Variants in CABCOCO1 observed in about 807,000 individuals in gnomAD.
The protein encoded by CABCOCO1 is ciliary associated calcium binding coiled-coil 1.
A neutral mutation model predicts 35.7 loss-of-function variants in CABCOCO1; 28 were observed. The ratio of observed to expected loss-of-function variants is 0.78; its 90% CI spans 0.58 to 1.07. The LOEUF (loss-of-function observed/expected upper bound fraction) is 1.07, where lower values mean the gene tolerates loss of function less well. CABCOCO1 is among the 50% of genes least tolerant of loss of function. CABCOCO1 has a pLI of 0.00. For missense variants in CABCOCO1, 326 were observed against 309.2 expected (o/e 1.05, Z -0.41); for synonymous variants, 95 against 100.1 (o/e 0.95, Z 0.30).
At chr10:61,664,180 G>A (rs1839096257) in intron 1 of CABCOCO1, among the ~76,000 whole-genome samples, 1 of 152,092 alleles carries the variant, frequency 6.6e-6, no homozygotes, top group South Asian at 2.1e-4. Flanking sequence ...ATTTTAATGT[G>A]ATAAACTGGT....
chr10:61,760,235 G>A lies in CABCOCO1; in HGVS notation c.675+54G>A, dbSNP rs974337652. On this transcript the variant is annotated intron_variant, in intron 6 of 7. Coordinates refer to ENST00000648843, the MANE Select transcript of CABCOCO1 (RefSeq NM_001366906.2). ...CCTACCTCATCATTATATTCTCTTG[G>A]GGTGGGAGGAAACGAACTAAATGTT... 1.9e-6 allele frequency: 3 copies of A among 1,560,296 alleles called. No homozygotes were observed. The African/African-American group carries it at 4.1e-5, about 21-fold the overall frequency.
At chr10:61,667,631 C>A (rs572151512) in intron 1 of CABCOCO1, among the ~76,000 whole-genome samples, 1 of 151,722 alleles carries the variant, frequency 6.6e-6, no homozygotes, top group African/African-American at 2.4e-5. Flanking sequence ...ATATTTATAA[C>A]CAAGTATAAT....
At chr10:61,737,209 T>G (rs987458525) in intron 5 of CABCOCO1, among the ~76,000 whole-genome samples, 2 of 152,078 alleles carry the variant, frequency 1.3e-5, no homozygotes, top group Admixed American at 6.6e-5. Context: ...AAGCTCAATA[T>G]CACTGATTAT....
intron 5 of CABCOCO1, among the ~76,000 whole-genome samples, chr10:61,733,689 T>C (rs1018177891): frequency 3.9e-5 from 6 of 152,110 alleles, no homozygotes; most frequent in African/African-American, 1.4e-4. Flanking sequence ...ACTTTCAAAA[T>C]ATAAGAAACA....
chr10:61,721,941 T>C (rs1841033420), intron 5 of CABCOCO1, among the ~76,000 whole-genome samples: 1 of 152,188 alleles, frequency 6.6e-6, no homozygotes, highest in South Asian at 2.1e-4. Flanking sequence ...GCCAGTCCAC[T>C]GGGGAGCTCT....
intron 5 of CABCOCO1, among the ~76,000 whole-genome samples, chr10:61,717,371 T>G (rs1297895777): frequency 1.3e-5 from 2 of 152,126 alleles, no homozygotes; most frequent in Non-Finnish European, 2.9e-5. Flanking sequence ...ACATCAATTT[T>G]CTGGCGAATG....
intron 5 of CABCOCO1, among the ~76,000 whole-genome samples, chr10:61,738,147 A>G (rs148288827): frequency 0.013 from 2,014 of 152,156 alleles, 19 homozygotes; most frequent in South Asian, 0.022. Flanking sequence ...TAAATGCCCC[A>G]TGGTGATTCT....
chr10:61,690,504 T>C (rs965399120), intron 4 of CABCOCO1, 45 bp from the exon 5 acceptor site: 4 of 1,341,802 alleles, frequency 3.0e-6, no homozygotes, highest in South Asian at 2.5e-5. Context: ...GTGTTTTTTT[T>C]CCTGAAATCA....
intron 5 of CABCOCO1, among the ~76,000 whole-genome samples, chr10:61,735,193 T>C (rs922901540): frequency 6.6e-6 from 1 of 152,020 alleles, no homozygotes; most frequent in Non-Finnish European, 1.5e-5. Context: ...AAGCCATTTA[T>C]AAAGTAAGTA....
At chr10:61,707,844 T>G (rs986315285) in intron 5 of CABCOCO1, among the ~76,000 whole-genome samples, 1 of 152,186 alleles carries the variant, frequency 6.6e-6, no homozygotes, top group Non-Finnish European at 1.5e-5. Context: ...TTTCAAGTTT[T>G]GCACAAGGTA....
chr10:61,723,014 G>T (rs1276403498), intron 5 of CABCOCO1, among the ~76,000 whole-genome samples: 1 of 152,168 alleles, frequency 6.6e-6, no homozygotes, highest in Non-Finnish European at 1.5e-5. Flanking sequence ...GAAAAATAAT[G>T]ATTCAAATCC....
rs542239469 is a variant in CABCOCO1 at position 61,674,256 on chromosome 10, C to T, written c.164+1521C>T. On this transcript the variant is annotated intron_variant, in intron 2 of 7. Coordinates refer to ENST00000648843, the MANE Select transcript of CABCOCO1 (RefSeq NM_001366906.2). ...TCTAAATTCTGAACATATTTTTAAT[C>T]TTTAGGTGGTAAGGCCTAGGATACA... is the stretch of plus-strand genomic sequence containing the variant. Among the ~76,000 whole-genome samples the T allele has an allele frequency of 1.7e-3, 252 of 152,092 alleles. 2 individuals are homozygous for T. The highest frequency in any genetic ancestry group is 5.2e-3 in the South Asian group (25 of 4,812).
At chr10:61,677,196 T>G (rs1039769146) in intron 2 of CABCOCO1, among the ~76,000 whole-genome samples, 1 of 152,196 alleles carries the variant, frequency 6.6e-6, no homozygotes, top group Non-Finnish European at 1.5e-5. Context: ...ATGAAAGACT[T>G]ACTTGGCACT....
intron 5 of CABCOCO1, among the ~76,000 whole-genome samples, chr10:61,723,684 G>A (rs544587143): frequency 7.2e-5 from 11 of 152,134 alleles, no homozygotes; most frequent in Non-Finnish European, 1.3e-4. Flanking sequence ...AGGGCATAGA[G>A]GAAGAGCTAG....
intron 5 of CABCOCO1, among the ~76,000 whole-genome samples, chr10:61,747,498 A>G (rs185749097): frequency 6.6e-6 from 1 of 152,284 alleles, no homozygotes; most frequent in East Asian, 1.9e-4. Flanking sequence ...TGATACTAGC[A>G]ATCTGAAATA....
At chr10:61,750,688 T>C (rs941494633) in intron 5 of CABCOCO1, among the ~76,000 whole-genome samples, 2 of 152,232 alleles carry the variant, frequency 1.3e-5, no homozygotes, top group Non-Finnish European at 2.9e-5. Flanking sequence ...GAAATACAGA[T>C]AGTTGCACTG....
intron 5 of CABCOCO1, among the ~76,000 whole-genome samples, chr10:61,719,837 C>T (rs1331774483): frequency 2.0e-5 from 3 of 147,596 alleles, no homozygotes; most frequent in African/African-American, 7.5e-5. Flanking sequence ...AGGAGAATCA[C>T]TTGAACTCAG....
chr10:61,734,983 G>C (rs1247682998), intron 5 of CABCOCO1, among the ~76,000 whole-genome samples: 1 of 152,090 alleles, frequency 6.6e-6, no homozygotes, highest in Non-Finnish European at 1.5e-5. Context: ...AATAAAATTT[G>C]CTTAGTACTG....
chr10:61,690,108 G>C (rs1840090784), intron 4 of CABCOCO1, among the ~76,000 whole-genome samples: 1 of 152,114 alleles, frequency 6.6e-6, no homozygotes, highest in African/African-American at 2.4e-5. Context: ...GAGAATGTGA[G>C]AAGTAATTGA....
Sources: gnomAD v4.1 joint callset for allele counts (sites outside exome capture counted in the v4.1 genomes callset) on GRCh38, gnomAD v4.1.1 for gene constraint, MANE v1.5 for transcripts, NCBI Gene and HGNC (gene_info 2026-07-23, HGNC 2026-07-21) for gene names.